PTN: variants seen among roughly 807,000 people sequenced by gnomAD.
The protein encoded by PTN is pleiotrophin.
In PTN, 18 loss-of-function variants were observed where a neutral mutation model predicts 24.1. That is an observed-to-expected ratio of 0.75 (90% confidence interval 0.52 to 1.11). The LOEUF (loss-of-function observed/expected upper bound fraction) is 1.11. PTN is among the 50% of genes least tolerant of loss of function. The pLI, the probability that PTN is intolerant of heterozygous loss-of-function variation, is 0.00. For synonymous variants in PTN, 78 were observed against 68.6 expected (o/e 1.14, Z -0.67); for missense variants, 163 against 198.8 (o/e 0.82, Z 1.08).
intron 1 of PTN, among the ~76,000 whole-genome samples, chr7:137,301,913 T>C (rs1809812943): frequency 6.6e-6 from 1 of 151,996 alleles, no homozygotes; most frequent in African/African-American, 2.4e-5. Context: ...AAATTCAGGA[T>C]AGTAATTAAA....
chr7:137,292,805 A>G (rs1049349603), intron 1 of PTN, among the ~76,000 whole-genome samples: 1 of 152,160 alleles, frequency 6.6e-6, no homozygotes, highest in Non-Finnish European at 1.5e-5. Flanking sequence ...GAATCCACAC[A>G]TGTGGGACGC....
At chr7:137,288,054 G>T (rs1159575815) in intron 1 of PTN, among the ~76,000 whole-genome samples, 1 of 152,172 alleles carries the variant, frequency 6.6e-6, no homozygotes, top group Non-Finnish European at 1.5e-5. Flanking sequence ...ATACGTAAAA[G>T]AGGATATTTC....
At chr7:137,324,957 GA>G (rs1810233868) in intron 1 of PTN, among the ~76,000 whole-genome samples, 1 of 152,184 alleles carries the variant, frequency 6.6e-6, no homozygotes, top group Non-Finnish European at 1.5e-5. Flanking sequence ...AACAGAGTAT[GA>G]AATATCAATT....
At chr7:137,329,194 C>T (rs972997741) in intron 1 of PTN, among the ~76,000 whole-genome samples, 1 of 152,134 alleles carries the variant, frequency 6.6e-6, no homozygotes, top group South Asian at 2.1e-4. Context: ...ATTGAACTGT[C>T]CACTGTATAG....
rs1189718674 is a variant in PTN, at chr7:137,251,226, T to C, written c.451+4A>G. The C allele has an allele frequency of 5.0e-6, 8 of 1,613,942 alleles. No individual in the cohort carries two copies. The highest frequency in any genetic ancestry group is 6.8e-6 in the Non-Finnish European group (8 of 1,179,794). ...AAAATTGTGGTATAATGGCAAGGACTTACCTTGAGGTTTGGGCTTGGTCAG... is the reference window on the plus strand; with the variant it reads ...AAAATTGTGGTATAATGGCAAGGACCTACCTTGAGGTTTGGGCTTGGTCAG... On this transcript the variant is annotated splice_donor_region_variant and intron_variant, in intron 4 of 4. Coordinates refer to ENST00000348225, the MANE Select transcript of PTN (RefSeq NM_002825.7).
At chr7:137,295,376 A>T (rs1388746293) in intron 1 of PTN, among the ~76,000 whole-genome samples, 1 of 152,116 alleles carries the variant, frequency 6.6e-6, no homozygotes, top group Non-Finnish European at 1.5e-5. Context: ...CTGCCGAAAT[A>T]TCGAGGACTG....
At chr7:137,236,250 A>G (rs1432887916) in intron 4 of PTN, 1 of 702,314 alleles carries the variant, frequency 1.4e-6, no homozygotes, top group Non-Finnish European at 2.6e-6. Flanking sequence ...TCTCTATAAG[A>G]AGGAATTGAG....
At chr7:137,258,310 T>A (rs1292077245) in intron 1 of PTN, among the ~76,000 whole-genome samples, 2 of 152,212 alleles carry the variant, frequency 1.3e-5, no homozygotes, top group East Asian at 3.8e-4. Context: ...CTGCCTCTAA[T>A]GTTAATTTAG....
chr7:137,255,833 G>C (rs989508451), intron 1 of PTN, among the ~76,000 whole-genome samples: 4 of 152,182 alleles, frequency 2.6e-5, no homozygotes, highest in Non-Finnish European at 5.9e-5. Flanking sequence ...GCTCCAGGAC[G>C]ACCCACTTCC....
intron 1 of PTN, among the ~76,000 whole-genome samples, chr7:137,308,922 G>A (rs993651905): frequency 6.6e-6 from 1 of 152,166 alleles, no homozygotes; most frequent in Non-Finnish European, 1.5e-5. Flanking sequence ...AAACCTAACA[G>A]GTTCACTTAT....
At chr7:137,288,475 C>A (rs1174931939) in intron 1 of PTN, among the ~76,000 whole-genome samples, 1 of 152,112 alleles carries the variant, frequency 6.6e-6, no homozygotes, top group Non-Finnish European at 1.5e-5. Context: ...ATTATTTATG[C>A]TTTAAAGGAT....
At chr7:137,305,846 T>G (rs984510695) in intron 1 of PTN, among the ~76,000 whole-genome samples, 1 of 151,996 alleles carries the variant, frequency 6.6e-6, no homozygotes, top group Non-Finnish European at 1.5e-5. Flanking sequence ...AATTACAAAA[T>G]AGGACATAGA....
At chr7:137,338,084 A>G (rs1810477834) in intron 1 of PTN, among the ~76,000 whole-genome samples, 1 of 152,120 alleles carries the variant, frequency 6.6e-6, no homozygotes, top group Non-Finnish European at 1.5e-5. Flanking sequence ...GGAGACTTCG[A>G]AGACAAGGGA....
At chr7:137,252,603 CA>C (rs2128871131) in intron 3 of PTN, among the ~76,000 whole-genome samples, 1 of 151,894 alleles carries the variant, frequency 6.6e-6, no homozygotes, top group South Asian at 2.1e-4. Flanking sequence ...AAAAATACCC[CA>C]AAGATTACAG....
chr7:137,282,715 C>T (rs538506020), intron 1 of PTN, among the ~76,000 whole-genome samples: 2 of 152,206 alleles, frequency 1.3e-5, no homozygotes, highest in East Asian at 3.9e-4. Context: ...AGAAAGTTTG[C>T]TGTATTTAAA....
At chr7:137,231,795 G>A (rs556970612) in intron 4 of PTN, among the ~76,000 whole-genome samples, 78 of 151,966 alleles carry the variant, frequency 5.1e-4, no homozygotes, top group Non-Finnish European at 9.0e-4. Flanking sequence ...TTATGAAGAA[G>A]AAAACTTACA....
At chr7:137,336,052 G>A (rs1401219328) in intron 1 of PTN, among the ~76,000 whole-genome samples, 1 of 151,502 alleles carries the variant, frequency 6.6e-6, no homozygotes, top group African/African-American at 2.4e-5. Flanking sequence ...TGTGTGTCCT[G>A]AGAAAATGAC....
intron 4 of PTN, among the ~76,000 whole-genome samples, chr7:137,233,427 T>C (rs956959616): frequency 6.6e-6 from 1 of 151,986 alleles, no homozygotes; most frequent in African/African-American, 2.4e-5. Flanking sequence ...TTACCACTAA[T>C]GTTCAAAACA....
chr7:137,278,270 G>T (rs1404414283), intron 1 of PTN, among the ~76,000 whole-genome samples: 1 of 123,832 alleles, frequency 8.1e-6, no homozygotes. Flanking sequence ...TCGCGCCACT[G>T]CACTCCAGCC....
Sources: gnomAD v4.1 joint callset for allele counts (sites outside exome capture counted in the v4.1 genomes callset) on GRCh38, gnomAD v4.1.1 for gene constraint, MANE v1.5 for transcripts, NCBI Gene and HGNC (gene_info 2026-07-23, HGNC 2026-07-21) for gene names.